The following NPHP3 variants were observed in gnomAD, a reference collection of about 807,000 sequenced individuals.
The protein encoded by NPHP3 is nephrocystin 3.
A neutral mutation model predicts 171.9 loss-of-function variants in NPHP3; 123 were observed. The observed-to-expected ratio is 0.72, with a 90% CI of 0.62 to 0.83. The LOEUF (loss-of-function observed/expected upper bound fraction) is 0.83. Ranked by LOEUF, NPHP3 falls within the 40% of genes least tolerant of loss-of-function variation. NPHP3 has a pLI of 0.00. For synonymous variants in NPHP3, 558 were observed against 579.2 expected, an observed-to-expected ratio of 0.96 and a Z score of 0.52; for missense variants, 1,506 against 1,591.9, an observed-to-expected ratio of 0.95 and a Z score of 0.92.
In NPHP3 at chr3:132,682,688, G is replaced by A. The variant is rs368618954; in HGVS notation, c.3812+15C>T. The A allele has an allele frequency of 6.8e-6, 10 of 1,475,530 alleles. No homozygotes were observed. In the East Asian group the frequency reaches 1.4e-4, roughly 20 times the overall value. The allele number at this position is 1,475,530 out of a possible 1,614,324, so 91.4% of individuals were successfully genotyped here. A position where few individuals can be genotyped will look rare whatever the true frequency, so the allele number is the denominator to read the frequency against. ...ATAAAAGAGGCTGTATAAGGAAAGT[G>A]AAAAAAATTCTTACCTAAGCACAGC... On this transcript the variant is annotated intron_variant, in intron 26 of 26. Coordinates refer to ENST00000337331, the MANE Select transcript of NPHP3 (RefSeq NM_153240.5).
rs962972385 is a variant in NPHP3, at chr3:132,722,103, C to G, written c.253G>C (p.Glu85Gln). 6.2e-7 allele frequency: 1 copy of G among 1,608,120 alleles called. No individual in the cohort carries two copies. Among genetic ancestry groups the G allele is most frequent in the Non-Finnish European group, 8.5e-7 (1 of 1,179,730 alleles). The change falls in exon 1 of 27, where the codon GAG (glutamate) becomes CAG (glutamine). Residue 85 changes from glutamate (E) to glutamine (Q), a missense_variant. Physicochemically the swap from Glu to Gln is conservative, Grantham distance 29. Coordinates refer to ENST00000337331, the MANE Select transcript of NPHP3 (RefSeq NM_153240.5). The part of the protein sequence containing the change: ...KSTGSSVPEL[E>Q]YAAAEYERLR... ...CGCTCGTACTCGGCCGCCGCGTACT[C>G]CAGCTCTGGCACCGACGAGCCAGTG...
intron 9 of NPHP3, among the ~76,000 whole-genome samples, chr3:132,701,901 C>A (rs1386660938): frequency 6.6e-6 from 1 of 152,132 alleles, no homozygotes; most frequent in East Asian, 1.9e-4. Flanking sequence ...TGGCGGGCGC[C>A]TGTAGTCCCA....
At position 132,681,791 on chromosome 3, in the gene NPHP3, G is replaced by T; in HGVS notation, c.*119C>A. ...CCAATACAACTTCATACAAATAGCA[G>T]TTAAATCACACGTAGTAAAATTTCG... On this transcript the variant is annotated 3_prime_UTR_variant, in exon 27 of 27. Transcript: ENST00000337331. The T allele has an allele frequency of 2.4e-6, 2 of 831,494 alleles. No individual in the cohort carries two copies. Among genetic ancestry groups the T allele is most frequent in the Non-Finnish European group, 4.1e-6 (2 of 493,488 alleles). 51.5% of individuals were successfully genotyped at this position (831,494 alleles called of 1,614,324 possible).
At chr3:132,697,163 A>G (rs150930738) in intron 14 of NPHP3, 97 bp downstream of exon 14, 9 of 873,256 alleles carry the variant, frequency 1.0e-5, no homozygotes, top group East Asian at 4.8e-5. Flanking sequence ...AGTTTTCCTT[A>G]TAACAGATCC....
At chr3:132,712,621 C>G (rs1939942507) in intron 6 of NPHP3, among the ~76,000 whole-genome samples, 1 of 152,120 alleles carries the variant, frequency 6.6e-6, no homozygotes, top group Non-Finnish European at 1.5e-5. Flanking sequence ...AAAAAATTAG[C>G]CAGGCGTGGT....
chr3:132,702,433 ATTTCCCAAGT>A lies in NPHP3; in HGVS notation c.1525-910_1525-901del, dbSNP rs550379876. On this transcript the variant is annotated intron_variant, in intron 9 of 26. Transcript: ENST00000337331. ...TTCAGTGTAAAGTCCAAGAATTCCT[ATTTCCCAAGT>A]TTTCCCCAGAAACTCAAAACTGGTT... Among the ~76,000 whole-genome samples, 111 of 152,344 alleles carry A rather than the reference ATTTCCCAAGT, an allele frequency of 7.3e-4. 1 individual carries two copies. Among genetic ancestry groups the A allele is most frequent in the South Asian group, 2.3e-3 (11 of 4,828 alleles).
Position 132,699,486 on chromosome 3 carries a change from C to A in NPHP3, c.1888-36G>T. 3.0e-6 allele frequency: 4 copies of A among 1,327,040 alleles called. No individual in the cohort carries two copies. The South Asian group carries it at 4.8e-5, about 16-fold the overall frequency. The allele number at this position is 1,327,040 out of a possible 1,614,324, so 82.2% of individuals were successfully genotyped here. A position where few individuals can be genotyped will look rare whatever the true frequency, so the allele number is the denominator to read the frequency against. ...TAAAAACAAAATTCAATCTATTAAT[C>A]AAAATATTTCAAAACAATCCAATAA... On this transcript the variant is annotated intron_variant, in intron 12 of 26. Transcript: ENST00000337331.
At chr3:132,718,928 A>G (rs1320904262) in intron 3 of NPHP3, 66 bp downstream of exon 3, 2 of 1,508,542 alleles carry the variant, frequency 1.3e-6, no homozygotes, top group African/African-American at 1.4e-5. Context: ...GCAGAATTCA[A>G]AGTTGGCTCT....
intron 23 of NPHP3, chr3:132,685,870 T>G (rs1939142278): frequency 4.0e-6 from 1 of 249,322 alleles, no homozygotes; most frequent in Non-Finnish European, 8.0e-6. Flanking sequence ...GCTAACACAG[T>G]GAAACCCTGT....
rs560151715 is a variant in NPHP3, at chr3:132,713,109, AT to A, written c.1118+16del. On this transcript the variant is annotated intron_variant, in intron 6 of 26. Coordinates refer to ENST00000337331, the MANE Select transcript of NPHP3 (RefSeq NM_153240.5). ...CAGTTTACTGCTTATAATAAATTAC[AT>A]TTTTTTTCAGCTTACCTTGGTAATG... The A allele has an allele frequency of 1.0e-4, 137 of 1,325,876 alleles. No homozygotes were observed. Among genetic ancestry groups the A allele is most frequent in the African/African-American group, 1.3e-4 (9 of 67,936 alleles). The allele number at this position is 1,325,876 out of a possible 1,614,324, so 82.1% of individuals were successfully genotyped here.
intron 3 of NPHP3, chr3:132,718,050 G>C (rs756156894): frequency 2.5e-6 from 1 of 394,998 alleles, no homozygotes; most frequent in Non-Finnish European, 4.7e-6. Flanking sequence ...CACCGTGCCC[G>C]GCCTTCATTT....
At chr3:132,702,870 A>T (rs1939651239) in intron 9 of NPHP3, among the ~76,000 whole-genome samples, 1 of 152,210 alleles carries the variant, frequency 6.6e-6, no homozygotes, top group African/African-American at 2.4e-5. Flanking sequence ...GGTCCCACAG[A>T]AAGCCCATTT....
At chr3:132,705,925 C>T in intron 7 of NPHP3, 111 bp from the exon 8 acceptor site, 1 of 631,286 alleles carries the variant, frequency 1.6e-6, no homozygotes, top group Non-Finnish European at 2.9e-6. Flanking sequence ...ATATTTAACA[C>T]ATATTAGCTA....
chr3:132,719,901 T>C (rs769791047), intron 1 of NPHP3, 71 bp from the exon 2 acceptor site: 2 of 590,834 alleles, frequency 3.4e-6, no homozygotes, highest in Non-Finnish European at 2.4e-6. Flanking sequence ...CTTATATATA[T>C]ACATATATAT....
rs1397456886 is a variant in NPHP3 at position 132,681,822 on chromosome 3, C to T, written c.*88G>A. On this transcript the variant is annotated 3_prime_UTR_variant, in exon 27 of 27. Transcript: ENST00000337331. ...TCACACGTAGTAAAATTTCGTACAA[C>T]ATTTTTTTAAAGTTTCAAATTCAAA... is the stretch of plus-strand genomic sequence containing the variant. 5 of 1,252,888 alleles carry T rather than the reference C, an allele frequency of 4.0e-6. No individual in the cohort carries two copies. Among genetic ancestry groups the T allele is most frequent in the African/African-American group, 3.0e-5 (2 of 67,632 alleles). 77.6% of individuals were successfully genotyped at this position (1,252,888 alleles called of 1,614,324 possible).
Position 132,682,426 on chromosome 3 carries a change from G to T in NPHP3, c.3812+277C>A. 4 of 553,788 alleles carry T rather than the reference G, an allele frequency of 7.2e-6. No homozygotes were observed. In the South Asian group the frequency reaches 8.5e-5, roughly 12 times the overall value. 34.3% of individuals were successfully genotyped at this position (553,788 alleles called of 1,614,324 possible). A position where few individuals can be genotyped will look rare whatever the true frequency, so the allele number is the denominator to read the frequency against. The stretch of plus-strand genomic sequence containing the variant: ...TACTTAATGGCAACTTCACTCTGGG[G>T]ACAGCAAATTACCCATATTACTCCC... On this transcript the variant is annotated intron_variant, in intron 26 of 26. Coordinates refer to ENST00000337331, the MANE Select transcript of NPHP3 (RefSeq NM_153240.5).
intron 6 of NPHP3, among the ~76,000 whole-genome samples, chr3:132,710,699 G>A (rs890304510): frequency 1.3e-5 from 2 of 151,956 alleles, no homozygotes; most frequent in Non-Finnish European, 2.9e-5. Context: ...CCCATTCTTC[G>A]TTGTAGGAGA....
chr3:132,686,501 A>T lies in NPHP3; in HGVS notation c.3202-114T>A, dbSNP rs1939168062. 2.5e-6 allele frequency: 3 copies of T among 1,192,182 alleles called. No homozygotes were observed. The South Asian group carries it at 3.8e-5, about 15-fold the overall frequency. The allele number at this position is 1,192,182 out of a possible 1,614,324, so 73.9% of individuals were successfully genotyped here. ...CCTTTTTTCCCATTTAATCTAGATA[A>T]CTATTATTTTAAGCATCACACTAAA... On this transcript the variant is annotated intron_variant, in intron 22 of 26. Coordinates refer to ENST00000337331, the MANE Select transcript of NPHP3 (RefSeq NM_153240.5).
chr3:132,688,987 A>G, intron 20 of NPHP3, 87 bp downstream of exon 20: 1 of 1,611,786 alleles, frequency 6.2e-7, no homozygotes, highest in Non-Finnish European at 8.5e-7. Context: ...ACAACAAATG[A>G]AAACCACATT....
Sources: allele counts gnomAD v4.1 joint callset (sites outside exome capture counted in the v4.1 genomes callset), GRCh38; gene constraint gnomAD v4.1.1; transcripts MANE v1.5; gene names NCBI Gene and HGNC (gene_info 2026-07-23, HGNC 2026-07-21).